Variants in PEPD observed in about 807,000 individuals in gnomAD.
The protein encoded by PEPD is peptidase D.
A neutral mutation model predicts 60.7 loss-of-function variants in PEPD; 53 were observed. The observed-to-expected ratio is 0.87, with a 90% CI of 0.70 to 1.10. PEPD has a LOEUF of 1.10. Ranked by LOEUF, PEPD falls within the 50% of genes least tolerant of loss-of-function variation. The pLI is 0.00. For missense variants in PEPD, 711 were observed against 711.9 expected, an observed-to-expected ratio of 1.00 and a Z score of 0.01; for synonymous variants, 267 against 284.1, an observed-to-expected ratio of 0.94 and a Z score of 0.60.
chr19:33,494,997 GTGGTGGCGGGTGCC>G lies in PEPD; in HGVS notation c.394-1674_394-1661del, dbSNP rs543979938. 1.4e-3 allele frequency among the ~76,000 whole-genome samples: 209 copies of G among 152,118 alleles called. 1 individual carries two copies. Among genetic ancestry groups the G allele is most frequent in the African/African-American group, 4.3e-3 (177 of 41,508 alleles). On this transcript the variant is annotated intron_variant, in intron 4 of 14. Coordinates refer to ENST00000244137, the MANE Select transcript of PEPD (RefSeq NM_000285.4). Reference sequence around the variant, plus strand: ...AAAATACAAAAAAAATTAGCTGGATGTGGTGGCGGGTGCCTGTAGTCCCAGCTACTCAGGAGGCT... The same window carrying G: ...AAAATACAAAAAAAATTAGCTGGATGTGTAGTCCCAGCTACTCAGGAGGCT...
intron 5 of PEPD, among the ~76,000 whole-genome samples, chr19:33,492,579 A>G (rs544137950): frequency 1.8e-4 from 28 of 152,264 alleles, no homozygotes; most frequent in Non-Finnish European, 2.9e-5. Flanking sequence ...ATGTACAATA[A>G]ATTATTGTTG....
chr19:33,459,459 G>C (rs1456737426), intron 9 of PEPD, among the ~76,000 whole-genome samples: 1 of 152,164 alleles, frequency 6.6e-6, no homozygotes, highest in African/African-American at 2.4e-5. Context: ...GCTACAAGCT[G>C]GGTACGCCAC....
intron 9 of PEPD, among the ~76,000 whole-genome samples, chr19:33,442,165 G>T (rs527340624): frequency 6.6e-6 from 1 of 152,208 alleles, no homozygotes; most frequent in Non-Finnish European, 1.5e-5. Context: ...TTAGGAGGCC[G>T]AGGTGGGTGG....
chr19:33,520,212 C>T (rs1971105557), intron 1 of PEPD, among the ~76,000 whole-genome samples: 2 of 152,144 alleles, frequency 1.3e-5, no homozygotes, highest in African/African-American at 2.4e-5. Context: ...AAATGCAACC[C>T]CTGGCACTCC....
At chr19:33,405,864 G>T (rs182808782) in intron 11 of PEPD, among the ~76,000 whole-genome samples, 1 of 152,358 alleles carries the variant, frequency 6.6e-6, no homozygotes, top group Admixed American at 6.5e-5. Flanking sequence ...TGCCCATGCC[G>T]CCAGCCCATG....
intron 9 of PEPD, among the ~76,000 whole-genome samples, chr19:33,433,547 G>C (rs12462339): frequency 0.04 from 6,051 of 152,198 alleles, 311 homozygotes; most frequent in Admixed American, 0.16. Context: ...GGGCTCCTGG[G>C]GTCTTTTTAT....
At chr19:33,420,043 T>C (rs556964731) in intron 9 of PEPD, among the ~76,000 whole-genome samples, 30 of 152,360 alleles carry the variant, frequency 2.0e-4, no homozygotes, top group African/African-American at 4.6e-4. Flanking sequence ...AATTGGATAA[T>C]TGGGAATTCT....
At chr19:33,470,752 C>T (rs1326778530) in intron 7 of PEPD, among the ~76,000 whole-genome samples, 1 of 152,138 alleles carries the variant, frequency 6.6e-6, no homozygotes, top group African/African-American at 2.4e-5. Context: ...GGCCTCATTT[C>T]AAAGAGAAAA....
At chr19:33,403,027 C>T (rs1422212105) in intron 11 of PEPD, among the ~76,000 whole-genome samples, 2 of 152,204 alleles carry the variant, frequency 1.3e-5, no homozygotes, top group Non-Finnish European at 2.9e-5. Flanking sequence ...CCCGCTCATC[C>T]TGTGGTGTGG....
intron 11 of PEPD, among the ~76,000 whole-genome samples, chr19:33,403,724 A>G (rs1474099640): frequency 6.6e-6 from 1 of 152,200 alleles, no homozygotes; most frequent in Non-Finnish European, 1.5e-5. Flanking sequence ...GCTGAAATCC[A>G]AAGTCCCCAG....
At position 33,477,908 on chromosome 19, in the gene PEPD, GA is replaced by G. The variant is rs35273650; in HGVS notation, c.548+137del. The G allele has an allele frequency of 0.14, 101,878 of 714,894 alleles. 8,713 individuals carry two copies. The highest frequency in any genetic ancestry group is 0.19 in the Non-Finnish European group (73,773 of 387,788). 44.3% of individuals were successfully genotyped at this position (714,894 alleles called of 1,614,324 possible). A position where few individuals can be genotyped will look rare whatever the true frequency, so the allele number is the denominator to read the frequency against. ...CCAACAACAAAGAACAAGCAAAACA[GA>G]AAAGGCTATGGGAGAAGGTTCTGGG... is the stretch of plus-strand genomic sequence containing the variant. On this transcript the variant is annotated intron_variant, in intron 7 of 14. Transcript: ENST00000244137.
intron 7 of PEPD, among the ~76,000 whole-genome samples, chr19:33,471,779 G>C (rs556140062): frequency 2.5e-4 from 38 of 152,202 alleles, no homozygotes; most frequent in Non-Finnish European, 5.0e-4. Flanking sequence ...GGAGGCCAAG[G>C]CTAGAGGATC....
chr19:33,521,074 C>T (rs1971121928), intron 1 of PEPD, among the ~76,000 whole-genome samples: 1 of 152,208 alleles, frequency 6.6e-6, no homozygotes. Flanking sequence ...ACCCATCTGT[C>T]CACCCTTCCT....
chr19:33,401,896 T>A, intron 11 of PEPD, 27 bp from the exon 12 acceptor site: 1 of 1,610,942 alleles, frequency 6.2e-7, no homozygotes, highest in Non-Finnish European at 8.5e-7. Flanking sequence ...GCAGGGCAAG[T>A]GGGTACTGGG....
chr19:33,448,725 C>T (rs1459050005), intron 9 of PEPD, among the ~76,000 whole-genome samples: 1 of 152,060 alleles, frequency 6.6e-6, no homozygotes, highest in Non-Finnish European at 1.5e-5. Context: ...CTGTGGCGTG[C>T]ACCCTGAACG....
chr19:33,412,216 T>TCA (rs1212391980), intron 10 of PEPD, among the ~76,000 whole-genome samples: 1 of 152,124 alleles, frequency 6.6e-6, no homozygotes, highest in Non-Finnish European at 1.5e-5. Flanking sequence ...GTTAGGTGGC[T>TCA]CACAGCTGTA....
intron 9 of PEPD, among the ~76,000 whole-genome samples, chr19:33,450,520 C>T (rs1041571158): frequency 6.6e-6 from 1 of 152,156 alleles, no homozygotes; most frequent in South Asian, 2.1e-4. Context: ...CCACCATTCA[C>T]GCAGGAGACA....
chr19:33,464,335 G>A (rs748437132), intron 7 of PEPD, among the ~76,000 whole-genome samples: 6 of 152,334 alleles, frequency 3.9e-5, no homozygotes, highest in Non-Finnish European at 8.8e-5. Context: ...AAGCCGCTGC[G>A]GTGGGAGAAG....
chr19:33,446,354 T>C (rs60354478), intron 9 of PEPD, among the ~76,000 whole-genome samples: 2,835 of 152,304 alleles, frequency 0.019, 84 homozygotes, highest in African/African-American at 0.065. Context: ...ATGGACTGCT[T>C]AAAGCCTATT....
Sources: gnomAD v4.1 joint callset for allele counts (sites outside exome capture counted in the v4.1 genomes callset) on GRCh38, gnomAD v4.1.1 for gene constraint, MANE v1.5 for transcripts, NCBI Gene and HGNC (gene_info 2026-07-23, HGNC 2026-07-21) for gene names.